The following BCAS3 variants were observed in gnomAD, a reference collection of about 807,000 sequenced individuals.
BCAS3 encodes the protein BCAS4/BCAS3 fusion.
BCAS3 carries 53 observed loss-of-function variants against 116.1 expected under a neutral mutation model. That is an observed-to-expected ratio of 0.46 (90% confidence interval 0.37 to 0.57). BCAS3 has a LOEUF of 0.57. Ranked by LOEUF, BCAS3 falls within the 20% of genes least tolerant of loss-of-function variation. BCAS3 has a pLI of 0.00. For missense variants in BCAS3, 917 were observed against 1,165.4 expected (o/e 0.79, Z 3.10); for synonymous variants, 391 against 408.2 (o/e 0.96, Z 0.51).
At position 60,689,620 on chromosome 17, in the gene BCAS3, T is replaced by C. The variant is rs1054195862; in HGVS notation, c.139-66T>C. On this transcript the variant is annotated intron_variant, in intron 3 of 23. Transcript: ENST00000407086. ...ATAGTGTTGGCTTTAAGTCACTTTG[T>C]TTTGAACATCAGTAATATTAAAGCT... 5 of 1,235,218 alleles carry C rather than the reference T, an allele frequency of 4.0e-6. No homozygotes were observed. In the East Asian group the frequency reaches 1.2e-4, roughly 29 times the overall value. The allele number at this position is 1,235,218 out of a possible 1,614,324, so 76.5% of individuals were successfully genotyped here. A position where few individuals can be genotyped will look rare whatever the true frequency, so the allele number is the denominator to read the frequency against.
rs1193733119 is a variant in BCAS3, at chr17:61,339,627, G to A, written c.2426-28700G>A. On this transcript the variant is annotated intron_variant, in intron 22 of 23. Transcript: ENST00000407086. The surrounding 1 kb of genome is among the most constrained non-coding windows in gnomAD (Gnocchi z 4.4). ...CTAAGAATACAAAAATTAGCCGGGC[G>A]TGGTGGTGCCCATCTGTAATCCCAG... 2.6e-5 allele frequency among the ~76,000 whole-genome samples: 4 copies of A among 152,204 alleles called. No homozygotes were observed. The East Asian group carries it at 5.8e-4, about 22-fold the overall frequency.
At chr17:60,772,094 T>C (rs1418747500) in intron 6 of BCAS3, among the ~76,000 whole-genome samples, 1 of 152,228 alleles carries the variant, frequency 6.6e-6, no homozygotes, top group African/African-American at 2.4e-5. Flanking sequence ...CTGGGTCAAA[T>C]GCTATTTCTA....
rs1197019786 is a variant in BCAS3 at position 60,947,149 on chromosome 17, TA to T, written c.1088-69del. ...TTGGTAATATTTTAAATATTGTGAA[TA>T]GCTTTTTAGAATATTTCATCCACAT... On this transcript the variant is annotated intron_variant, in intron 13 of 23. Coordinates refer to ENST00000407086, the MANE Select transcript of BCAS3 (RefSeq NM_017679.5). 16 of 1,440,992 alleles carry T rather than the reference TA, an allele frequency of 1.1e-5. No individual in the cohort carries two copies. In the South Asian group the frequency reaches 1.3e-4, roughly 12 times the overall value. The allele number at this position is 1,440,992 out of a possible 1,614,324, so 89.3% of individuals were successfully genotyped here. A position where few individuals can be genotyped will look rare whatever the true frequency, so the allele number is the denominator to read the frequency against.
At chr17:60,818,213 A>T (rs1229244797) in intron 7 of BCAS3, among the ~76,000 whole-genome samples, 1 of 152,168 alleles carries the variant, frequency 6.6e-6, no homozygotes, top group Non-Finnish European at 1.5e-5. Flanking sequence ...TTCAAAATTG[A>T]CTGTTTATTA....
chr17:61,293,036 A>G (rs1407496491), intron 22 of BCAS3, among the ~76,000 whole-genome samples: 1 of 152,334 alleles, frequency 6.6e-6, no homozygotes, highest in East Asian at 1.9e-4. Flanking sequence ...ACATATGTAT[A>G]AAATTTTTGG....
chr17:60,874,637 G>GT (rs779916875), intron 8 of BCAS3, 25 bp from the exon 9 acceptor site: 155 of 1,541,380 alleles, frequency 1.0e-4, no homozygotes, highest in Middle Eastern at 1.7e-4. Flanking sequence ...TTTTCTTTCT[G>GT]TTTTTTTTCT....
At chr17:60,948,776 G>A (rs1487467336) in intron 14 of BCAS3, among the ~76,000 whole-genome samples, 2 of 152,104 alleles carry the variant, frequency 1.3e-5, no homozygotes, top group African/African-American at 4.8e-5. Flanking sequence ...TCTGAAAACT[G>A]ATAAACCAAA....
At chr17:60,754,526 C>T (rs2042805340) in intron 6 of BCAS3, among the ~76,000 whole-genome samples, 1 of 152,096 alleles carries the variant, frequency 6.6e-6, no homozygotes, top group African/African-American at 2.4e-5. Flanking sequence ...TGTAATCCTC[C>T]GTGCCTGGCC....
chr17:61,080,027 C>T (rs1362720586), intron 21 of BCAS3, among the ~76,000 whole-genome samples: 2 of 151,712 alleles, frequency 1.3e-5, no homozygotes, highest in East Asian at 2.0e-4. Flanking sequence ...ACCTCAACCT[C>T]CTGAGTAGCT....
intron 23 of BCAS3, among the ~76,000 whole-genome samples, chr17:61,371,884 T>C (rs2059066572): frequency 6.6e-6 from 1 of 152,224 alleles, no homozygotes; most frequent in Admixed American, 6.5e-5. Flanking sequence ...TTTTAAATTA[T>C]GGTTAACTTA....
chr17:60,817,688 G>T (rs1311049849), intron 7 of BCAS3, among the ~76,000 whole-genome samples: 1 of 152,032 alleles, frequency 6.6e-6, no homozygotes, highest in African/African-American at 2.4e-5. Flanking sequence ...CATCTCAGTT[G>T]GTTAGGAATC....
At chr17:60,991,197 G>A (rs1198328565) in intron 15 of BCAS3, among the ~76,000 whole-genome samples, 1 of 152,084 alleles carries the variant, frequency 6.6e-6, no homozygotes, top group African/African-American at 2.4e-5. Context: ...TTATGTAAAT[G>A]GAATTGTAGA....
At chr17:60,914,584 T>G (rs533359178) in intron 12 of BCAS3, among the ~76,000 whole-genome samples, 2 of 152,294 alleles carry the variant, frequency 1.3e-5, no homozygotes, top group Non-Finnish European at 2.9e-5. Context: ...TGGTTGACCA[T>G]TGAACAACAT....
intron 5 of BCAS3, among the ~76,000 whole-genome samples, chr17:60,714,313 C>T (rs2038295759): frequency 6.6e-6 from 1 of 152,146 alleles, no homozygotes; most frequent in African/African-American, 2.4e-5. Context: ...AAATCAACCC[C>T]TGTCCAAACC....
At position 60,854,956 on chromosome 17, in the gene BCAS3, T is replaced by TTTTTTG. The variant is rs2053533225; in HGVS notation, c.477-13615_477-13614insGTTTTT. Among the ~76,000 whole-genome samples, 27 of 142,222 alleles carry TTTTTTG rather than the reference T, an allele frequency of 1.9e-4. No homozygotes were observed. In the South Asian group the frequency reaches 6.4e-3, roughly 34 times the overall value. The allele number at this position is 142,222 out of a possible 152,430, so 93.3% of individuals were successfully genotyped here. ...TTATTTATTTTCAGTGAGGTTTTTT[T>TTTTTTG]TTTTTTTTTTTTTTGTAGAGTCTTG... On this transcript the variant is annotated intron_variant, in intron 7 of 23. Coordinates refer to ENST00000407086, the MANE Select transcript of BCAS3 (RefSeq NM_017679.5).
intron 22 of BCAS3, among the ~76,000 whole-genome samples, chr17:61,342,263 G>C (rs1297913043): frequency 6.6e-6 from 1 of 152,218 alleles, no homozygotes; most frequent in Non-Finnish European, 1.5e-5. Flanking sequence ...TGAAGGGCTT[G>C]TTCTGCTCCT....
chr17:61,160,373 C>A (rs771679306), intron 22 of BCAS3, among the ~76,000 whole-genome samples: 3 of 151,832 alleles, frequency 2.0e-5, no homozygotes, highest in African/African-American at 7.3e-5. Flanking sequence ...TTGCCATTGC[C>A]GTGCTGGATG....
At chr17:60,924,582 G>C in intron 13 of BCAS3, 82 bp downstream of exon 13, 1 of 1,051,586 alleles carries the variant, frequency 9.5e-7, no homozygotes, top group Non-Finnish European at 1.4e-6. Flanking sequence ...ATGGAATATG[G>C]AATCTGACTT....
intron 15 of BCAS3, among the ~76,000 whole-genome samples, chr17:61,001,233 A>G (rs562055929): frequency 7.9e-5 from 12 of 152,252 alleles, no homozygotes; most frequent in African/African-American, 2.9e-4. Flanking sequence ...TTGGACTTGG[A>G]GCCTCCATAT....
Sources: allele counts gnomAD v4.1 joint callset (sites outside exome capture counted in the v4.1 genomes callset), GRCh38; gene constraint gnomAD v4.1.1; non-coding constraint Gnocchi (gnomAD v3.1); transcripts MANE v1.5; gene names NCBI Gene and HGNC (gene_info 2026-07-23, HGNC 2026-07-21).